The following MRGPRX3 variants were observed in gnomAD, a reference collection of about 807,000 sequenced individuals.
The protein encoded by MRGPRX3 is MAS related GPR family member X3, also known as mas-related G protein-coupled receptor member X3.
In MRGPRX3, 14 loss-of-function variants were observed where a neutral mutation model predicts 16.5. That is an observed-to-expected ratio of 0.85 (90% confidence interval 0.56 to 1.33). MRGPRX3 has a LOEUF of 1.33. MRGPRX3 is among the 40% of genes most tolerant of loss of function. The pLI is 0.00. For missense variants in MRGPRX3, 449 were observed against 413.0 expected (o/e 1.09, Z -0.76); for synonymous variants, 199 against 180.1 (o/e 1.10, Z -0.84).
At chr11:18,133,044 A>G (rs2134084032) in intron 1 of MRGPRX3, among the ~76,000 whole-genome samples, 1 of 152,274 alleles carries the variant, frequency 6.6e-6, no homozygotes, top group South Asian at 2.1e-4. Context: ...ACATGCAGGC[A>G]TTTCTTCCCA....
At chr11:18,131,901 T>C (rs1462668241), upstream of MRGPRX3, among the ~76,000 whole-genome samples, 1 of 151,766 alleles carries the variant, frequency 6.6e-6, no homozygotes, top group Non-Finnish European at 1.5e-5. Context: ...TCTGGGGACT[T>C]GAGGGGAAGG....
At chr11:18,136,721 C>T (rs931079123) in intron 1 of MRGPRX3, among the ~76,000 whole-genome samples, 3 of 152,206 alleles carry the variant, frequency 2.0e-5, no homozygotes, top group Admixed American at 6.5e-5. Flanking sequence ...CACCAGGTCC[C>T]GCCATTTTCA....
intron 1 of MRGPRX3, among the ~76,000 whole-genome samples, chr11:18,133,516 C>G (rs1377951415): frequency 3.9e-5 from 6 of 152,192 alleles, no homozygotes; most frequent in African/African-American, 1.2e-4. Flanking sequence ...TTAACACCAT[C>G]CCCCTTTGGT....
upstream of MRGPRX3, among the ~76,000 whole-genome samples, chr11:18,132,290 C>T (rs192786115): frequency 2.2e-3 from 329 of 152,296 alleles, no homozygotes; most frequent in Admixed American, 4.1e-3. Flanking sequence ...AGGCCATTGT[C>T]AGCCTTGAAT....
chr11:18,121,653 A>G (rs375738124), intron 1 of MRGPRX3, among the ~76,000 whole-genome samples: 3 of 152,160 alleles, frequency 2.0e-5, no homozygotes, highest in African/African-American at 7.2e-5. Flanking sequence ...TGTTCTGTAC[A>G]AAGAAAGATT....
intron 1 of MRGPRX3, among the ~76,000 whole-genome samples, chr11:18,123,445 A>C (rs919249064): frequency 2.0e-5 from 3 of 152,210 alleles, no homozygotes; most frequent in Non-Finnish European, 4.4e-5. Context: ...TAAATAGGGA[A>C]TCCTTTCCCC....
intron 1 of MRGPRX3, 101 bp from the exon 2 acceptor site, chr11:18,137,077 A>T (rs1328342729): frequency 4.8e-6 from 6 of 1,242,772 alleles, no homozygotes; most frequent in Admixed American, 2.3e-5. Flanking sequence ...CGAGTCTCTG[A>T]TCTCTCCTCT....
chr11:18,138,254 C>A lies in MRGPRX3; in HGVS notation c.*83C>A, dbSNP rs28624183. ...TGACAATTATATGCATTTTTCTTAG[C>A]CTTCTGCCTCAGAAATGTCTCAGTG... On this transcript the variant is annotated 3_prime_UTR_variant, in exon 2 of 2. Coordinates refer to ENST00000621697, the MANE Select transcript of MRGPRX3 (RefSeq NM_001370464.1). 50 of 1,511,844 alleles carry A rather than the reference C, an allele frequency of 3.3e-5. No individual in the cohort carries two copies. The highest frequency in any genetic ancestry group is 1.8e-4 in the Middle Eastern group (1 of 5,600). 93.7% of individuals were successfully genotyped at this position (1,511,844 alleles called of 1,614,324 possible). A position where few individuals can be genotyped will look rare whatever the true frequency, so the allele number is the denominator to read the frequency against.
chr11:18,136,777 A>G (rs1453325709), intron 1 of MRGPRX3, among the ~76,000 whole-genome samples: 1 of 152,178 alleles, frequency 6.6e-6, no homozygotes, highest in African/African-American at 2.4e-5. Flanking sequence ...ATAATGCATG[A>G]TCTTTTTTCC....
upstream of MRGPRX3, among the ~76,000 whole-genome samples, chr11:18,127,896 G>A (rs1466972051): frequency 1.3e-5 from 2 of 152,130 alleles, no homozygotes; most frequent in African/African-American, 2.4e-5. Flanking sequence ...CCCCATCTTT[G>A]TGGTTTTATC....
At chr11:18,125,089 A>G (rs1466032763) in intron 1 of MRGPRX3, among the ~76,000 whole-genome samples, 3 of 151,192 alleles carry the variant, frequency 2.0e-5, no homozygotes, top group South Asian at 2.1e-4. Context: ...TTTCTTCTTT[A>G]TTAGTCTTGC....
rs140046091 is a variant in MRGPRX3, at chr11:18,122,156, A to G, written c.-152+992A>G. Among the ~76,000 whole-genome samples, 1,160 of 152,154 alleles carry G rather than the reference A, an allele frequency of 7.6e-3. 10 individuals are homozygous for G. Among genetic ancestry groups the G allele is most frequent in the Middle Eastern group, 0.037 (11 of 294 alleles). ...AAATCTGCATTGCAAAAAAACCTGC[A>G]TTGCTTGCAGCTGCAAGAGATAACA... is the stretch of plus-strand genomic sequence containing the variant. On this transcript the variant is annotated intron_variant, in intron 1 of 2. Transcript: ENST00000396275.
At chr11:18,134,541 G>A (rs1848991173) in intron 1 of MRGPRX3, among the ~76,000 whole-genome samples, 1 of 152,146 alleles carries the variant, frequency 6.6e-6, no homozygotes. Flanking sequence ...TAAGGAAATT[G>A]AGCATCTGCA....
chr11:18,138,213 G>A lies in MRGPRX3; in HGVS notation c.*42G>A, dbSNP rs538742682. ...TGTCAGACAGGACTTTGAGAGCAAT[G>A]CTGCCCTGCCACCCTTGACAATTAT... On this transcript the variant is annotated 3_prime_UTR_variant, in exon 2 of 2. Coordinates refer to ENST00000621697, the MANE Select transcript of MRGPRX3 (RefSeq NM_001370464.1). 5.9e-5 allele frequency: 91 copies of A among 1,547,220 alleles called. No individual in the cohort carries two copies. Among genetic ancestry groups the A allele is most frequent in the South Asian group, 5.7e-4 (45 of 79,366 alleles).
In MRGPRX3 at chr11:18,137,748, G is replaced by A. The variant is rs147746956; in HGVS notation, c.546G>A (p.Ala182=). 9.9e-6 allele frequency: 16 copies of A among 1,613,988 alleles called. No homozygotes were observed. Among genetic ancestry groups the A allele is most frequent in the East Asian group, 8.9e-5 (4 of 44,892 alleles). ...WCETSDFITI[A]WLVFLCVVLC... Reference sequence around the variant, plus strand: ...AAACGTCAGATTTCATTACAATCGCGTGGCTGGTTTTTTTATGTGTGGTTC... The same window carrying A: ...AAACGTCAGATTTCATTACAATCGCATGGCTGGTTTTTTTATGTGTGGTTC... The change falls in exon 2 of 2, where the codon GCG becomes GCA. Residue 182 remains alanine (A), a synonymous_variant. Coordinates refer to ENST00000621697, the MANE Select transcript of MRGPRX3 (RefSeq NM_001370464.1).
Position 18,137,847 on chromosome 11 carries a change from C to G in MRGPRX3, c.645C>G (p.Tyr215Ter), listed in dbSNP as rs201290239. 1 of 1,614,208 alleles carries G rather than the reference C, an allele frequency of 6.2e-7. No homozygotes were observed. The highest frequency in any genetic ancestry group is 8.5e-7 in the Non-Finnish European group (1 of 1,180,044). The change falls in exon 2 of 2, where the codon TAC (tyrosine) becomes TAG (stop). Residue 215 changes from tyrosine to a stop codon, truncating the protein, a stop_gained. Transcript: ENST00000621697. LOFTEE classifies it high-confidence loss of function. The stretch of plus-strand genomic sequence containing the variant: ...GGAAGATGCCGCTGACCAGGCTGTA[C>G]GTGACCATCCTCCTCACAGTGCTGG... Reference protein sequence around the residue: ...GSRKMPLTRLYVTILLTVLVF... With the variant: ...GSRKMPLTRL
intron 1 of MRGPRX3, among the ~76,000 whole-genome samples, chr11:18,126,540 G>A (rs1436343739): frequency 6.6e-6 from 1 of 152,088 alleles, no homozygotes; most frequent in Non-Finnish European, 1.5e-5. Context: ...TGTGCACAAT[G>A]TGCAGGTTTG....
At chr11:18,132,766 ACAGT>A (rs1185922696) in intron 1 of MRGPRX3, 27 bp downstream of exon 1, 1 of 152,252 alleles carries the variant, frequency 6.6e-6, no homozygotes, top group Non-Finnish European at 1.5e-5. Flanking sequence ...CTCTTCTTCC[ACAGT>A]CAGTTATGAT....
At chr11:18,121,790 G>T (rs556992415) in intron 1 of MRGPRX3, among the ~76,000 whole-genome samples, 1 of 152,102 alleles carries the variant, frequency 6.6e-6, no homozygotes, top group African/African-American at 2.4e-5. Flanking sequence ...TTAAACAGAC[G>T]CTTGAAGGCA....
Sources: gnomAD v4.1 joint callset for allele counts (sites outside exome capture counted in the v4.1 genomes callset) on GRCh38, gnomAD v4.1.1 for gene constraint, MANE v1.5 for transcripts, NCBI Gene and HGNC (gene_info 2026-07-23, HGNC 2026-07-21) for gene names.